The following AFG2A variants were observed in gnomAD, a reference collection of about 807,000 sequenced individuals.
AFG2A encodes ATPase family gene 2 protein homolog A.
chr4:123,233,640 T>C, the AFG2A span, among the ~76,000 whole-genome samples: 2 of 152,070 alleles, frequency 1.3e-5, no homozygotes, highest in Non-Finnish European at 2.9e-5. Context: ...TCCCTGTTGC[T>C]GGAAAGGAAG....
At chr4:123,197,692 C>T in the AFG2A span, among the ~76,000 whole-genome samples, 2 of 151,702 alleles carry the variant, frequency 1.3e-5, no homozygotes, top group African/African-American at 2.4e-5. Flanking sequence ...GGCTTAAACC[C>T]GGGAGGCGGA....
At chr4:123,064,171 T>G in the AFG2A span, among the ~76,000 whole-genome samples, 1 of 152,216 alleles carries the variant, frequency 6.6e-6, no homozygotes, top group Non-Finnish European at 1.5e-5. Context: ...TAAGAATTTT[T>G]GTCATATTTT....
chr4:122,952,917 G>A, the AFG2A span, among the ~76,000 whole-genome samples: 6 of 152,258 alleles, frequency 3.9e-5, no homozygotes, highest in African/African-American at 1.4e-4. Flanking sequence ...TTGGGAACAT[G>A]TGCATACATT....
the AFG2A span, among the ~76,000 whole-genome samples, chr4:123,260,763 C>T: frequency 1.3e-4 from 20 of 152,282 alleles, no homozygotes; most frequent in African/African-American, 4.3e-4. Context: ...TGGTCTTAAG[C>T]GCTCTACTTA....
At chr4:122,930,186 C>A in the AFG2A span, among the ~76,000 whole-genome samples, 2 of 152,030 alleles carry the variant, frequency 1.3e-5, no homozygotes, top group Non-Finnish European at 2.9e-5. Flanking sequence ...TAAAATAATC[C>A]CTCACCACAG....
the AFG2A span, chr4:123,028,070 C>T: frequency 1.2e-6 from 1 of 827,672 alleles, no homozygotes; most frequent in Non-Finnish European, 1.9e-6. Context: ...TTTCCTGATT[C>T]TTAAATGGTT....
At chr4:123,003,343 G>A in the AFG2A span, among the ~76,000 whole-genome samples, 1 of 152,196 alleles carries the variant, frequency 6.6e-6, no homozygotes, top group Non-Finnish European at 1.5e-5. Flanking sequence ...TTCTGTTGCT[G>A]GTGAGGAGCT....
the AFG2A span, among the ~76,000 whole-genome samples, chr4:123,119,508 C>G: frequency 9.2e-5 from 14 of 152,130 alleles, no homozygotes; most frequent in Non-Finnish European, 1.5e-4. Flanking sequence ...TCTTCTTAGA[C>G]ATACAAAATT....
At chr4:122,966,286 G>C in the AFG2A span, among the ~76,000 whole-genome samples, 119 of 152,274 alleles carry the variant, frequency 7.8e-4, 1 homozygote, top group South Asian at 4.1e-3. Context: ...TTGCAAATCA[G>C]TAAACTTACC....
chr4:123,257,650 T>C, the AFG2A span, among the ~76,000 whole-genome samples: 1 of 152,194 alleles, frequency 6.6e-6, no homozygotes, highest in African/African-American at 2.4e-5. Flanking sequence ...CATACAGTTA[T>C]GGTTAACTGA....
the AFG2A span, among the ~76,000 whole-genome samples, chr4:122,985,038 G>A: frequency 1.3e-5 from 2 of 152,050 alleles, no homozygotes; most frequent in East Asian, 1.9e-4. Flanking sequence ...TGAAGGATTG[G>A]TACCAGTTCT....
At chr4:122,967,918 A>T in the AFG2A span, among the ~76,000 whole-genome samples, 40 of 152,328 alleles carry the variant, frequency 2.6e-4, no homozygotes, top group East Asian at 3.1e-3. Flanking sequence ...ATTAAGGAAT[A>T]AACTTCATTG....
the AFG2A span, among the ~76,000 whole-genome samples, chr4:123,197,725 G>A: frequency 3.3e-5 from 5 of 151,812 alleles, no homozygotes; most frequent in Non-Finnish European, 7.4e-5. Flanking sequence ...CTTAGATCAC[G>A]CCATTGCACT....
chr4:123,020,192 C>G, the AFG2A span, among the ~76,000 whole-genome samples: 1 of 151,396 alleles, frequency 6.6e-6, no homozygotes, highest in African/African-American at 2.4e-5. Flanking sequence ...CAAACACAAA[C>G]ACACACACAC....
At chr4:122,978,704 C>G in the AFG2A span, among the ~76,000 whole-genome samples, 1 of 152,024 alleles carries the variant, frequency 6.6e-6, no homozygotes, top group Non-Finnish European at 1.5e-5. Flanking sequence ...CTGCGCCAAG[C>G]CACCCTCAGC....
the AFG2A span, among the ~76,000 whole-genome samples, chr4:123,191,977 T>C: frequency 3.9e-5 from 6 of 152,198 alleles, no homozygotes; most frequent in Non-Finnish European, 8.8e-5. Context: ...GTGGGTTTTA[T>C]GTCTTCCTAA....
At chr4:123,019,284 A>ATT in the AFG2A span, among the ~76,000 whole-genome samples, 279 of 149,180 alleles carry the variant, frequency 1.9e-3, 1 homozygote, top group Middle Eastern at 0.014. Context: ...ACCCAAGACC[A>ATT]TTTTTTTTTT....
the AFG2A span, among the ~76,000 whole-genome samples, chr4:123,270,796 A>G: frequency 5.3e-5 from 8 of 152,358 alleles, no homozygotes; most frequent in African/African-American, 1.9e-4. Flanking sequence ...CAATTAGAAG[A>G]AAACTCAGAA....
the AFG2A span, among the ~76,000 whole-genome samples, chr4:123,157,081 T>C: frequency 6.6e-6 from 1 of 151,968 alleles, no homozygotes; most frequent in Non-Finnish European, 1.5e-5. Context: ...AGTGGTGCAA[T>C]CTTGGCTCAC....
Sources: allele counts gnomAD v4.1 joint callset (sites outside exome capture counted in the v4.1 genomes callset), GRCh38; gene constraint gnomAD v4.1.1; transcripts MANE v1.5; gene names NCBI Gene and HGNC (gene_info 2026-07-23, HGNC 2026-07-21).